The following TENM3 variants were observed in gnomAD, a reference collection of about 807,000 sequenced individuals.
TENM3 encodes the protein teneurin-3.
In TENM3, 63 loss-of-function variants were observed where a neutral mutation model predicts 255.1. That is an observed-to-expected ratio of 0.25 (90% CI 0.20 to 0.30). The LOEUF (loss-of-function observed/expected upper bound fraction) is 0.30. Ranked by LOEUF, TENM3 falls within the 10% of genes least tolerant of loss-of-function variation. The probability of loss-of-function intolerance (pLI) is 1.00; values close to 1 mark genes in which losing one functional copy is unlikely to be tolerated. For missense variants in TENM3, 2,929 were observed against 3,461.1 expected (o/e 0.85, Z 3.86); for synonymous variants, 1,306 against 1,322.3 (o/e 0.99, Z 0.27).
intron 3 of TENM3, among the ~76,000 whole-genome samples, chr4:182,502,197 C>G (rs912166625): frequency 6.6e-6 from 1 of 152,122 alleles, no homozygotes; most frequent in Non-Finnish European, 1.5e-5. Context: ...CTGCTTAAAC[C>G]CTACCACCCT....
At chr4:182,221,015 T>A (rs1166758471) in intron 1 of TENM3, among the ~76,000 whole-genome samples, 1 of 152,224 alleles carries the variant, frequency 6.6e-6, no homozygotes, top group Non-Finnish European at 1.5e-5. Context: ...AATGAAGATT[T>A]ATGTATGTCA....
At chr4:182,566,328 C>G (rs560926518) in intron 3 of TENM3, among the ~76,000 whole-genome samples, 62 of 152,270 alleles carry the variant, frequency 4.1e-4, no homozygotes, top group African/African-American at 1.4e-3. Flanking sequence ...ATGAGTTGTA[C>G]ATCTGTATCA....
chr4:181,817,758 A>G, the TENM3 span, among the ~76,000 whole-genome samples: 1 of 152,166 alleles, frequency 6.6e-6, no homozygotes, highest in Admixed American at 6.5e-5. Context: ...TTGGAAGCAG[A>G]GACCAAACCT....
chr4:182,606,250 G>A (rs548444698), intron 4 of TENM3, among the ~76,000 whole-genome samples: 8 of 152,276 alleles, frequency 5.3e-5, no homozygotes, highest in South Asian at 4.1e-4. Context: ...CAGGCCGGGC[G>A]TGGTGGCTCA....
chr4:181,937,268 C>G, the TENM3 span, among the ~76,000 whole-genome samples: 1 of 152,218 alleles, frequency 6.6e-6, no homozygotes, highest in African/African-American at 2.4e-5. Context: ...CCTTCCCAGA[C>G]TATGGAGGGC....
intron 1 of TENM3, among the ~76,000 whole-genome samples, chr4:182,210,258 CT>C (rs2149884305): frequency 6.6e-6 from 1 of 152,262 alleles, no homozygotes; most frequent in Admixed American, 6.5e-5. Flanking sequence ...ACAGATTTCA[CT>C]TCACTTGGAT....
At chr4:182,245,638 G>T (rs913583010) in intron 1 of TENM3, among the ~76,000 whole-genome samples, 2 of 152,160 alleles carry the variant, frequency 1.3e-5, no homozygotes, top group South Asian at 4.1e-4. Flanking sequence ...GATGACCGTA[G>T]TCCCTGCCAG....
intron 1 of TENM3, among the ~76,000 whole-genome samples, chr4:182,293,907 A>G (rs1761290108): frequency 6.6e-6 from 1 of 152,138 alleles, no homozygotes; most frequent in African/African-American, 2.4e-5. Flanking sequence ...GGACATTTGC[A>G]TTTTAAAAGA....
chr4:182,683,141 T>A (rs1756302306), intron 11 of TENM3, among the ~76,000 whole-genome samples: 1 of 152,220 alleles, frequency 6.6e-6, no homozygotes, highest in Non-Finnish European at 1.5e-5. Context: ...ATCCAATCTG[T>A]ACTCCTTAAG....
chr4:181,468,808 A>G, the TENM3 span, among the ~76,000 whole-genome samples: 4 of 152,118 alleles, frequency 2.6e-5, no homozygotes, highest in Admixed American at 2.6e-4. Context: ...CTTTGCACTC[A>G]CTGATTTAAC....
chr4:182,632,388 T>G (rs1721653167), intron 5 of TENM3, among the ~76,000 whole-genome samples: 1 of 152,216 alleles, frequency 6.6e-6, no homozygotes, highest in African/African-American at 2.4e-5. Flanking sequence ...CAACTGTCAG[T>G]TTACATAACC....
chr4:181,543,672 C>T, the TENM3 span, among the ~76,000 whole-genome samples: 1 of 152,198 alleles, frequency 6.6e-6, no homozygotes, highest in South Asian at 2.1e-4. Context: ...AGGTGAGTAT[C>T]AATTATAAAA....
intron 3 of TENM3, among the ~76,000 whole-genome samples, chr4:182,564,573 T>A (rs1015911741): frequency 4.5e-5 from 6 of 133,384 alleles, no homozygotes; most frequent in Admixed American, 1.6e-4. Context: ...TGTTTTTGTT[T>A]TTGTTTTGTT....
chr4:181,559,097 TA>T, the TENM3 span, among the ~76,000 whole-genome samples: 242 of 149,110 alleles, frequency 1.6e-3, 1 homozygote, highest in African/African-American at 4.0e-3. Context: ...CTTTTCGAAT[TA>T]AAAAAAAAAT....
the TENM3 span, among the ~76,000 whole-genome samples, chr4:181,602,511 A>T: frequency 6.6e-6 from 1 of 152,190 alleles, no homozygotes; most frequent in African/African-American, 2.4e-5. Context: ...TTAAGTCTAA[A>T]CTTGAAATGG....
intron 3 of TENM3, among the ~76,000 whole-genome samples, chr4:182,544,480 AC>A (rs974775851): frequency 1.5e-4 from 23 of 151,602 alleles, no homozygotes; most frequent in African/African-American, 5.1e-4. Flanking sequence ...ACAGGGGCCC[AC>A]CACCATGCCT....
the TENM3 span, among the ~76,000 whole-genome samples, chr4:181,473,912 A>G: frequency 6.7e-6 from 1 of 149,366 alleles, no homozygotes; most frequent in Non-Finnish European, 1.5e-5. Flanking sequence ...AGTATACAGT[A>G]TAAAATATAT....
rs369164257 is a variant in TENM3 at position 182,150,344 on chromosome 4, G to A, written c.-76+5590G>A. On this transcript the variant is annotated intron_variant, in intron 1 of 2. Coordinates refer to the TENM3 transcript ENST00000512480. ...TCTGTATGTAGCAGGGTGTGTGACA[G>A]GAAAAGCAGACTAAAGGGAAAATTT... 1.3e-3 allele frequency among the ~76,000 whole-genome samples: 202 copies of A among 152,110 alleles called. 1 individual carries two copies. The highest frequency in any genetic ancestry group is 4.6e-3 in the African/African-American group (190 of 41,532).
chr4:182,739,571 C>T (rs1390784889), intron 18 of TENM3, among the ~76,000 whole-genome samples: 5 of 152,148 alleles, frequency 3.3e-5, no homozygotes. Context: ...ATTGACTTGA[C>T]CATGTACTAC....
Sources: allele counts gnomAD v4.1 joint callset (sites outside exome capture counted in the v4.1 genomes callset), GRCh38; gene constraint gnomAD v4.1.1; transcripts MANE v1.5; gene names NCBI Gene and HGNC (gene_info 2026-07-23, HGNC 2026-07-21).